Variants in VMP1 observed in about 807,000 individuals in gnomAD.
VMP1 encodes the protein ectopic P-granules autophagy protein 3 homolog.
In VMP1, 11 loss-of-function variants were observed where a neutral mutation model predicts 56.0. The ratio of observed to expected loss-of-function variants is 0.20; its 90% confidence interval spans 0.12 to 0.32. The LOEUF is 0.32. Among genes scored for constraint, VMP1 ranks in the 10% least tolerant of loss-of-function variants. The pLI is 1.00. For missense variants in VMP1, 296 were observed against 490.3 expected (o/e 0.60, Z 3.74); for synonymous variants, 149 against 165.0 (o/e 0.90, Z 0.74).
intron 10 of VMP1, among the ~76,000 whole-genome samples, chr17:59,823,605 A>G (rs937721269): frequency 6.6e-6 from 1 of 151,626 alleles, no homozygotes; most frequent in Non-Finnish European, 1.5e-5. Context: ...AAAAAAAATT[A>G]GCCGGGTGTG....
intron 7 of VMP1, among the ~76,000 whole-genome samples, chr17:59,787,309 A>G (rs1253386920): frequency 6.6e-6 from 1 of 152,010 alleles, no homozygotes; most frequent in African/African-American, 2.4e-5. Flanking sequence ...TTGCCACCTC[A>G]CTCGCAGACT....
intron 10 of VMP1, among the ~76,000 whole-genome samples, chr17:59,832,992 C>T (rs1287775306): frequency 1.3e-5 from 2 of 152,040 alleles, no homozygotes; most frequent in African/African-American, 2.4e-5. Context: ...ATGAGATTAG[C>T]ATCTTTAGCA....
intron 8 of VMP1, among the ~76,000 whole-genome samples, chr17:59,809,967 C>T (rs978602293): frequency 1.3e-5 from 2 of 152,060 alleles, no homozygotes; most frequent in African/African-American, 4.8e-5. Context: ...GAATATACTA[C>T]ATTTAACCAA....
chr17:59,830,837 T>C (rs2038784218), intron 10 of VMP1, among the ~76,000 whole-genome samples: 2 of 152,204 alleles, frequency 1.3e-5, no homozygotes, highest in African/African-American at 4.8e-5. Flanking sequence ...TTGTTGGTGT[T>C]TTAAGAAACA....
chr17:59,740,105 A>G (rs1212478231), intron 5 of VMP1, among the ~76,000 whole-genome samples: 5 of 152,066 alleles, frequency 3.3e-5, no homozygotes, highest in Non-Finnish European at 5.9e-5. Flanking sequence ...AGAAAAAGAA[A>G]TAAGAGAGAA....
chr17:59,807,151 G>C (rs1334968817), intron 7 of VMP1, among the ~76,000 whole-genome samples: 2 of 148,174 alleles, frequency 1.3e-5, no homozygotes, highest in Non-Finnish European at 3.0e-5. Context: ...TTTAAACTTT[G>C]TTTCTCCTCT....
At chr17:59,751,286 T>C (rs2035632507) in intron 5 of VMP1, among the ~76,000 whole-genome samples, 1 of 152,204 alleles carries the variant, frequency 6.6e-6, no homozygotes, top group Non-Finnish European at 1.5e-5. Flanking sequence ...GAAGATCCAG[T>C]ACATGAGCGA....
chr17:59,718,497 C>T (rs1205365626), intron 1 of VMP1, among the ~76,000 whole-genome samples: 2 of 151,102 alleles, frequency 1.3e-5, no homozygotes, highest in Non-Finnish European at 1.5e-5. Flanking sequence ...TGCCCGGCCC[C>T]TCCTTTCTTT....
At chr17:59,721,811 G>T (rs1178200681) in intron 1 of VMP1, among the ~76,000 whole-genome samples, 1 of 152,202 alleles carries the variant, frequency 6.6e-6, no homozygotes, top group Non-Finnish European at 1.5e-5. Context: ...TGCCAGGGTT[G>T]TCATAACAGA....
At chr17:59,809,966 A>G (rs2038000362) in intron 8 of VMP1, among the ~76,000 whole-genome samples, 1 of 152,168 alleles carries the variant, frequency 6.6e-6, no homozygotes, top group Non-Finnish European at 1.5e-5. Flanking sequence ...AGAATATACT[A>G]CATTTAACCA....
chr17:59,838,233 G>A, intron 10 of VMP1, 62 bp from the exon 11 acceptor site: 10 of 1,435,478 alleles, frequency 7.0e-6, no homozygotes, highest in South Asian at 1.2e-5. Flanking sequence ...TTTCTTTAAC[G>A]TTTTTCCTGC....
intron 6 of VMP1, among the ~76,000 whole-genome samples, chr17:59,766,849 G>A (rs1180914141): frequency 2.6e-5 from 4 of 151,382 alleles, no homozygotes; most frequent in African/African-American, 9.7e-5. Flanking sequence ...GCGCAATCTC[G>A]GCTCACTGCA....
chr17:59,794,146 T>A (rs1314895444), intron 7 of VMP1, among the ~76,000 whole-genome samples: 2 of 148,800 alleles, frequency 1.3e-5, no homozygotes, highest in African/African-American at 2.5e-5. Flanking sequence ...GGTCTCAATC[T>A]CCTGACCTTG....
At chr17:59,722,748 G>T (rs190360693) in intron 1 of VMP1, among the ~76,000 whole-genome samples, 224 of 152,308 alleles carry the variant, frequency 1.5e-3, no homozygotes, top group African/African-American at 4.7e-3. Flanking sequence ...GGAGGCTGAG[G>T]CAGGAGAATG....
chr17:59,755,154 C>T (rs975402978), intron 5 of VMP1, among the ~76,000 whole-genome samples: 1 of 151,712 alleles, frequency 6.6e-6, no homozygotes, highest in Non-Finnish European at 1.5e-5. Context: ...GTCTCCCAGG[C>T]TGGAGTGCAA....
intron 9 of VMP1, among the ~76,000 whole-genome samples, chr17:59,812,041 T>G (rs943300546): frequency 7.9e-5 from 12 of 152,086 alleles, no homozygotes; most frequent in South Asian, 2.1e-4. Flanking sequence ...TTTTTTGTCC[T>G]GTTTAACTAT....
chr17:59,752,220 A>G (rs1247005278), intron 5 of VMP1, among the ~76,000 whole-genome samples: 1 of 152,186 alleles, frequency 6.6e-6, no homozygotes, highest in Non-Finnish European at 1.5e-5. Context: ...GCAATTATAG[A>G]CAGTACATAA....
At chr17:59,737,617 A>C in intron 4 of VMP1, 74 bp downstream of exon 4, 1 of 1,335,422 alleles carries the variant, frequency 7.5e-7, no homozygotes, top group Non-Finnish European at 1.0e-6. Context: ...AAATGGGATG[A>C]ATGTGGGTTT....
chr17:59,812,153 GTT>G (rs1568194051), intron 9 of VMP1, among the ~76,000 whole-genome samples: 1 of 151,970 alleles, frequency 6.6e-6, no homozygotes, highest in African/African-American at 2.4e-5. Context: ...TGTTTGTTTT[GTT>G]TTGTTTTACC....
Sources: allele counts gnomAD v4.1 joint callset (sites outside exome capture counted in the v4.1 genomes callset), GRCh38; gene constraint gnomAD v4.1.1; transcripts MANE v1.5; gene names NCBI Gene and HGNC (gene_info 2026-07-23, HGNC 2026-07-21).